Variants in FXR1 observed in about 807,000 individuals in gnomAD.
FXR1 encodes the protein RNA-binding protein FXR1.
A neutral mutation model predicts 84.0 loss-of-function variants in FXR1; 15 were observed. The ratio of observed to expected loss-of-function variants is 0.18; its 90% CI spans 0.12 to 0.27. FXR1 has a LOEUF of 0.27. Among genes scored for constraint, FXR1 ranks in the 10% least tolerant of loss-of-function variants. The pLI, the probability that FXR1 is intolerant of heterozygous loss-of-function variation, is 1.00. For synonymous variants in FXR1, 245 were observed against 250.7 expected (o/e 0.98, Z 0.21); for missense variants, 480 against 774.4 (o/e 0.62, Z 4.51).
At chr3:180,933,140 A>C (rs559269213) in intron 1 of FXR1, 194 bp from the exon 2 acceptor site, 1 of 515,388 alleles carries the variant, frequency 1.9e-6, no homozygotes, top group Non-Finnish European at 3.4e-6. Flanking sequence ...GTGAAAAATG[A>C]GGTTCAGAGA....
intron 1 of FXR1, among the ~76,000 whole-genome samples, chr3:180,930,542 T>C (rs1373611635): frequency 6.6e-6 from 1 of 151,106 alleles, no homozygotes; most frequent in East Asian, 1.9e-4. Context: ...CTTTTCAAAC[T>C]TTGTGAGAGT....
chr3:180,951,214 C>T (rs772325516), intron 7 of FXR1, 84 bp from the exon 8 acceptor site: 2 of 764,234 alleles, frequency 2.6e-6, no homozygotes, highest in Non-Finnish European at 2.2e-6. Flanking sequence ...CAGAGTGAGA[C>T]CCTGTCTGGA....
chr3:180,913,070 G>A (rs1446135585), intron 1 of FXR1, among the ~76,000 whole-genome samples: 1 of 152,060 alleles, frequency 6.6e-6, no homozygotes, highest in African/African-American at 2.4e-5. Flanking sequence ...CCCGAGCTCT[G>A]GGAGGTGGGG....
chr3:180,963,369 A>G (rs1471645354), intron 13 of FXR1, among the ~76,000 whole-genome samples: 1 of 152,154 alleles, frequency 6.6e-6, no homozygotes, highest in East Asian at 1.9e-4. Flanking sequence ...CAAAGAATAC[A>G]TATGTAACTT....
intron 1 of FXR1, 27 bp from the exon 2 acceptor site, chr3:180,933,307 C>G (rs1021750745): frequency 7.2e-7 from 1 of 1,392,692 alleles, no homozygotes; most frequent in Non-Finnish European, 1.0e-6. Flanking sequence ...AATATCTATG[C>G]TTTTATAATG....
At chr3:180,959,033 C>G (rs1485359728) in intron 10 of FXR1, among the ~76,000 whole-genome samples, 3 of 152,072 alleles carry the variant, frequency 2.0e-5, no homozygotes, top group Non-Finnish European at 4.4e-5. Context: ...GTCTCGATCT[C>G]TTGACCTTGT....
chr3:180,966,295 C>A (rs1712820453), intron 13 of FXR1, among the ~76,000 whole-genome samples: 2 of 151,990 alleles, frequency 1.3e-5, no homozygotes, highest in South Asian at 4.1e-4. Context: ...AACTAATTAC[C>A]TAATTGTTTT....
intron 15 of FXR1, 25 bp downstream of exon 15, chr3:180,970,383 A>AAAATATATATATAT (rs1713378007): frequency 2.7e-6 from 1 of 366,380 alleles, no homozygotes; most frequent in African/African-American, 3.0e-5. Context: ...AGGGAAGAGA[A>AAAATATATATATAT]ATATATATAT....
chr3:180,935,233 T>G lies in FXR1; in HGVS notation c.198+2T>G. ...ATTAGTGAAGGAGATGAAGTAGAGGTATGTATTTTTAAGTTTATTTTCTTG... is the reference window on the plus strand; with the variant it reads ...ATTAGTGAAGGAGATGAAGTAGAGGGATGTATTTTTAAGTTTATTTTCTTG... On this transcript the variant is annotated splice_donor_variant, in intron 3 of 16. Transcript: ENST00000357559. LOFTEE classifies it high-confidence loss of function. 8.3e-6 allele frequency: 10 copies of G among 1,199,914 alleles called. No homozygotes were observed. Among genetic ancestry groups the G allele is most frequent in the Non-Finnish European group, 1.2e-5 (10 of 808,820 alleles). 74.3% of individuals were successfully genotyped at this position (1,199,914 alleles called of 1,614,324 possible). A position where few individuals can be genotyped will look rare whatever the true frequency, so the allele number is the denominator to read the frequency against.
chr3:180,935,374 C>T (rs1000343377), intron 3 of FXR1, 143 bp downstream of exon 3: 3 of 566,490 alleles, frequency 5.3e-6, no homozygotes, highest in Non-Finnish European at 9.5e-6. Context: ...CTGTGTAATA[C>T]AGCAGTGCTT....
intron 13 of FXR1, among the ~76,000 whole-genome samples, chr3:180,965,926 G>T (rs1712769461): frequency 6.6e-6 from 1 of 152,100 alleles, no homozygotes; most frequent in Non-Finnish European, 1.5e-5. Flanking sequence ...GTGACACGGG[G>T]TTAGATAAAT....
At chr3:180,933,430 A>C in intron 2 of FXR1, 44 bp downstream of exon 2, 1 of 1,133,518 alleles carries the variant, frequency 8.8e-7, no homozygotes, top group Non-Finnish European at 1.3e-6. Context: ...TAGAGATGGC[A>C]GTGCCAAACT....
rs371250573 is a variant in FXR1, at chr3:180,964,918, T to C, written c.1198+1828T>C. Among the ~76,000 whole-genome samples the C allele has an allele frequency of 3.6e-3, 540 of 152,008 alleles. 1 individual carries two copies. Among genetic ancestry groups the C allele is most frequent in the African/African-American group, 0.012 (481 of 41,508 alleles). On this transcript the variant is annotated intron_variant, in intron 13 of 16. Coordinates refer to ENST00000357559, the MANE Select transcript of FXR1 (RefSeq NM_005087.4). Reference sequence around the variant, plus strand: ...CTGTTAAGCTTAGCACAACCAACCATTGAAAAATGATATAAACCATCTTCA... The same window carrying C: ...CTGTTAAGCTTAGCACAACCAACCACTGAAAAATGATATAAACCATCTTCA...
intron 15 of FXR1, among the ~76,000 whole-genome samples, chr3:180,973,854 T>G (rs142914361): frequency 1.3e-5 from 2 of 152,336 alleles, no homozygotes; most frequent in East Asian, 3.9e-4. Context: ...TGTTATTTCA[T>G]AATTAAGAAA....
intron 1 of FXR1, among the ~76,000 whole-genome samples, chr3:180,931,419 A>G (rs1422320067): frequency 1.3e-5 from 2 of 152,038 alleles, no homozygotes; most frequent in Non-Finnish European, 2.9e-5. Flanking sequence ...GAGTTTCACC[A>G]TGTTGGCCAG....
Position 180,933,210 on chromosome 3 carries a change from C to T in FXR1, c.52-124C>T, listed in dbSNP as rs544758943. Reference sequence around the variant, plus strand: ...ATAGAATAGATGGAAATCAAACTCACATCTGCCTAATTCCAAACCTTGTGT... The same window carrying T: ...ATAGAATAGATGGAAATCAAACTCATATCTGCCTAATTCCAAACCTTGTGT... On this transcript the variant is annotated intron_variant, in intron 1 of 16. Coordinates refer to ENST00000357559, the MANE Select transcript of FXR1 (RefSeq NM_005087.4). The T allele has an allele frequency of 1.9e-5, 12 of 624,388 alleles. No homozygotes were observed. The Admixed American group carries it at 2.5e-4, about 13-fold the overall frequency. 38.7% of individuals were successfully genotyped at this position (624,388 alleles called of 1,614,324 possible). A position where few individuals can be genotyped will look rare whatever the true frequency, so the allele number is the denominator to read the frequency against.
rs2108483213 is a variant in FXR1, at chr3:180,961,646, A to G, written c.1077+92A>G. On this transcript the variant is annotated intron_variant, in intron 11 of 16. Transcript: ENST00000357559. ...TGCTACAAATTTAAAATGTCCTCAC[A>G]TTAAACATTTTATATTTGAAGTAAA... is the stretch of plus-strand genomic sequence containing the variant. 1.6e-5 allele frequency: 10 copies of G among 615,902 alleles called. No homozygotes were observed. The South Asian group carries it at 2.4e-4, about 15-fold the overall frequency. 38.2% of individuals were successfully genotyped at this position (615,902 alleles called of 1,614,324 possible). A position where few individuals can be genotyped will look rare whatever the true frequency, so the allele number is the denominator to read the frequency against.
intron 1 of FXR1, among the ~76,000 whole-genome samples, chr3:180,917,502 C>T (rs1718038141): frequency 6.6e-6 from 1 of 152,074 alleles, no homozygotes; most frequent in African/African-American, 2.4e-5. Context: ...AGATAATTTT[C>T]ATTAAAATGC....
intron 1 of FXR1, among the ~76,000 whole-genome samples, chr3:180,928,945 A>AGAG (rs1491207220): frequency 2.0e-5 from 3 of 151,478 alleles, no homozygotes; most frequent in African/African-American, 7.3e-5. Context: ...TTTTTTAGAC[A>AGAG]GAGTTTCACT....
Sources: allele counts gnomAD v4.1 joint callset (sites outside exome capture counted in the v4.1 genomes callset), GRCh38; gene constraint gnomAD v4.1.1; transcripts MANE v1.5; gene names NCBI Gene and HGNC (gene_info 2026-07-23, HGNC 2026-07-21).